Variants in KCNMA1 observed in about 807,000 individuals in gnomAD.
KCNMA1 encodes Calcium-activated potassium channel subunit alpha-1.
A neutral mutation model predicts 140.0 loss-of-function variants in KCNMA1; 29 were observed. The ratio of observed to expected loss-of-function variants is 0.21; its 90% confidence interval spans 0.15 to 0.28. The LOEUF is 0.28. Among genes scored for constraint, KCNMA1 ranks in the 10% least tolerant of loss-of-function variants. The pLI, the probability that KCNMA1 is intolerant of heterozygous loss-of-function variation, is 1.00. For missense variants in KCNMA1, 880 were observed against 1,602.2 expected, an observed-to-expected ratio of 0.55 and a Z score of 7.70; for synonymous variants, 612 against 611.9, an observed-to-expected ratio of 1.00 and a Z score of 0.00.
chr10:76,985,950 T>C (rs551556728), intron 19 of KCNMA1, among the ~76,000 whole-genome samples: 2 of 152,330 alleles, frequency 1.3e-5, no homozygotes, highest in South Asian at 2.1e-4. Context: ...CTCTAAAGAA[T>C]AGATGTATGC....
chr10:77,489,431 G>C (rs1451249498), intron 1 of KCNMA1, among the ~76,000 whole-genome samples: 1 of 152,042 alleles, frequency 6.6e-6, no homozygotes, highest in Non-Finnish European at 1.5e-5. Flanking sequence ...TGCCTCCCAG[G>C]TTCAAGCAAT....
chr10:77,574,895 A>C (rs1234266532), intron 1 of KCNMA1, among the ~76,000 whole-genome samples: 4 of 152,200 alleles, frequency 2.6e-5, no homozygotes, highest in Non-Finnish European at 5.9e-5. Context: ...CATTTTGCAC[A>C]TGCAGCCTGC....
intron 3 of KCNMA1, among the ~76,000 whole-genome samples, chr10:77,235,594 C>T (rs2055153759): frequency 6.6e-6 from 1 of 152,178 alleles, no homozygotes; most frequent in African/African-American, 2.4e-5. Flanking sequence ...CTCATTTTCC[C>T]CTTACTGGCT....
At chr10:77,312,179 A>G (rs1223648063) in intron 2 of KCNMA1, among the ~76,000 whole-genome samples, 1 of 152,242 alleles carries the variant, frequency 6.6e-6, no homozygotes, top group East Asian at 1.9e-4. Context: ...TTCCCAGGAA[A>G]AGGGGAAACC....
At chr10:77,565,867 CCT>C (rs2068086273) in intron 1 of KCNMA1, among the ~76,000 whole-genome samples, 1 of 152,094 alleles carries the variant, frequency 6.6e-6, no homozygotes, top group African/African-American at 2.4e-5. Flanking sequence ...ACCCCATCCC[CCT>C]GAGATCCCCA....
At chr10:77,510,091 T>C (rs3127450) in intron 1 of KCNMA1, among the ~76,000 whole-genome samples, 69,725 of 151,870 alleles carry the variant, frequency 0.46, 18,380 homozygotes, top group African/African-American at 0.71. Flanking sequence ...GACAGGAGTA[T>C]AGAAAGGAAA....
chr10:77,636,710 C>T (rs2093781146), intron 1 of KCNMA1: 1 of 1,517,978 alleles, frequency 6.6e-7, no homozygotes. Flanking sequence ...TATCTCGGGC[C>T]ATGCTCCTCC....
chr10:76,948,498 A>G (rs2065065746), intron 22 of KCNMA1, among the ~76,000 whole-genome samples: 2 of 152,226 alleles, frequency 1.3e-5, no homozygotes, highest in South Asian at 4.1e-4. Context: ...CCTAAATCCC[A>G]TATCCTCACA....
rs183213911 is a variant in KCNMA1 at position 77,036,169 on chromosome 10, T to G, written c.1859+3359A>C. ...CCTTGAACATCACACTCCAAGTTCC[T>G]CAGCTTTTGGACTCTTGGACTTACA... On this transcript the variant is annotated intron_variant, in intron 15 of 27. Transcript: ENST00000286628. Among the ~76,000 whole-genome samples, 61 of 152,350 alleles carry G rather than the reference T, an allele frequency of 4.0e-4. 1 individual carries two copies. The East Asian group carries it at 9.5e-3, about 24-fold the overall frequency.
chr10:77,107,177 A>C (rs765868397), intron 9 of KCNMA1, among the ~76,000 whole-genome samples: 4 of 152,228 alleles, frequency 2.6e-5, no homozygotes, highest in Non-Finnish European at 2.9e-5. Flanking sequence ...CAATGCTCCC[A>C]GTCTGATTTT....
intron 16 of KCNMA1, chr10:77,019,773 C>T (rs1429633793): frequency 6.6e-6 from 1 of 152,014 alleles, no homozygotes; most frequent in Non-Finnish European, 1.5e-5. Context: ...TAAAAACGTA[C>T]AGGGTGTTTG....
chr10:77,252,556 T>TGTGTGTGTGTGTGC (rs1341882275), intron 2 of KCNMA1, among the ~76,000 whole-genome samples: 16 of 149,318 alleles, frequency 1.1e-4, no homozygotes, highest in African/African-American at 3.9e-4. Context: ...TGTGTGTGTG[T>TGTGTGTGTGTGTGC]GCGGGCACGT....
At chr10:77,031,804 T>G (rs1487333721) in intron 15 of KCNMA1, among the ~76,000 whole-genome samples, 1 of 152,234 alleles carries the variant, frequency 6.6e-6, no homozygotes, top group Non-Finnish European at 1.5e-5. Flanking sequence ...CTGTACAGGA[T>G]GCATGCTTTG....
chr10:77,222,487 C>T (rs987884764), intron 3 of KCNMA1, among the ~76,000 whole-genome samples: 6 of 152,148 alleles, frequency 3.9e-5, no homozygotes, highest in Admixed American at 3.3e-4. Context: ...TCAGGAAGCC[C>T]GCATAGCCAG....
chr10:77,159,453 C>A (rs1223174637), intron 5 of KCNMA1, among the ~76,000 whole-genome samples: 1 of 152,100 alleles, frequency 6.6e-6, no homozygotes, highest in Non-Finnish European at 1.5e-5. Flanking sequence ...CCCAGAGCCA[C>A]ACCATTTTGG....
chr10:77,519,062 C>A (rs1240998754), intron 1 of KCNMA1, among the ~76,000 whole-genome samples: 3 of 152,254 alleles, frequency 2.0e-5, no homozygotes, highest in Non-Finnish European at 2.9e-5. Context: ...GTGCCATTGG[C>A]TCCGTCCACT....
At chr10:77,414,296 A>G (rs56928168) in intron 1 of KCNMA1, among the ~76,000 whole-genome samples, 2,281 of 152,198 alleles carry the variant, frequency 0.015, 60 homozygotes, top group African/African-American at 0.051. Flanking sequence ...GAAATGCTGC[A>G]GGACAGATTC....
chr10:77,553,765 G>A (rs1423755067), intron 1 of KCNMA1, among the ~76,000 whole-genome samples: 1 of 152,194 alleles, frequency 6.6e-6, no homozygotes, highest in Non-Finnish European at 1.5e-5. Flanking sequence ...CAGGAGCTAT[G>A]CTCAAGGTAA....
chr10:77,529,437 G>T (rs1269894453), intron 1 of KCNMA1, among the ~76,000 whole-genome samples: 2 of 151,794 alleles, frequency 1.3e-5, no homozygotes, highest in Non-Finnish European at 2.9e-5. Context: ...CCTCCTCAGG[G>T]CTCCCACCTC....
Sources: gnomAD v4.1 joint callset for allele counts (sites outside exome capture counted in the v4.1 genomes callset) on GRCh38, gnomAD v4.1.1 for gene constraint, MANE v1.5 for transcripts, NCBI Gene and HGNC (gene_info 2026-07-23, HGNC 2026-07-21) for gene names.